Variants in BCO1 observed in about 807,000 individuals in gnomAD.
BCO1 encodes beta,beta-carotene 15,15'-dioxygenase.
In BCO1, 54 loss-of-function variants were observed where a neutral mutation model predicts 56.3. The ratio of observed to expected loss-of-function variants is 0.96; its 90% CI spans 0.77 to 1.20. The LOEUF is 1.20. BCO1 is among the 50% of genes most tolerant of loss of function. The pLI is 0.00. For missense variants in BCO1, 801 were observed against 690.9 expected (o/e 1.16, Z -1.79); for synonymous variants, 318 against 266.1 (o/e 1.20, Z -1.90).
At chr16:81,258,404 T>C (rs1906278773) in intron 2 of BCO1, among the ~76,000 whole-genome samples, 1 of 152,194 alleles carries the variant, frequency 6.6e-6, no homozygotes, top group South Asian at 2.1e-4. Context: ...CCTCTATTGC[T>C]ATGCAGGATT....
At chr16:81,290,253 T>C in intron 10 of BCO1, 95 bp from the exon 11 acceptor site, 1 of 1,042,176 alleles carries the variant, frequency 9.6e-7, no homozygotes, top group Non-Finnish European at 1.5e-6. Flanking sequence ...GTTAGATACA[T>C]ATGTTTAAAG....
At position 81,262,001 on chromosome 16, in the gene BCO1, C is replaced by G. The variant is rs574852906; in HGVS notation, c.324-135C>G. ...TCGTGATCCACCTGCCTCGGCCTCC[C>G]ACAGTGCTGGGATTACAGGCACCCG... On this transcript the variant is annotated intron_variant, in intron 3 of 10. Coordinates refer to ENST00000258168, the MANE Select transcript of BCO1 (RefSeq NM_017429.3). 3 of 1,070,982 alleles carry G rather than the reference C, an allele frequency of 2.8e-6. No homozygotes were observed. In the East Asian group the frequency reaches 7.2e-5, roughly 26 times the overall value. 66.3% of individuals were successfully genotyped at this position (1,070,982 alleles called of 1,614,324 possible). A position where few individuals can be genotyped will look rare whatever the true frequency, so the allele number is the denominator to read the frequency against.
At position 81,238,794 on chromosome 16, in the gene BCO1, G is replaced by A; in HGVS notation, c.-115G>A. 2 of 899,078 alleles carry A rather than the reference G, an allele frequency of 2.2e-6. No homozygotes were observed. The highest frequency in any genetic ancestry group is 3.7e-6 in the Non-Finnish European group (2 of 537,668). The allele number at this position is 899,078 out of a possible 1,614,324, so 55.7% of individuals were successfully genotyped here. A position where few individuals can be genotyped will look rare whatever the true frequency, so the allele number is the denominator to read the frequency against. On this transcript the variant is annotated 5_prime_UTR_variant, in exon 1 of 11. Transcript: ENST00000258168. ...CATCAGGAGAGACAGAGATGTGAAG[G>A]AGGGAAGGAGCAGGAGAGCAGGAAG...
intron 7 of BCO1, among the ~76,000 whole-genome samples, chr16:81,272,658 A>G (rs1907308067): frequency 6.6e-6 from 1 of 152,212 alleles, no homozygotes; most frequent in South Asian, 2.1e-4. Flanking sequence ...GAGACTTACA[A>G]AGGCTTCTGG....
chr16:81,256,637 C>T (rs1906152498), intron 2 of BCO1, among the ~76,000 whole-genome samples: 1 of 152,134 alleles, frequency 6.6e-6, no homozygotes, highest in South Asian at 2.1e-4. Flanking sequence ...CCTGTAATCC[C>T]AGCACTTTGG....
intron 2 of BCO1, among the ~76,000 whole-genome samples, chr16:81,254,359 C>A (rs141376878): frequency 0.014 from 1,968 of 140,838 alleles, 23 homozygotes; most frequent in Middle Eastern, 0.036. Context: ...CCATGTTGAC[C>A]AGGCTGGTCT....
In BCO1 at chr16:81,239,119, C is replaced by T. The variant is rs553113373; in HGVS notation, c.64+147C>T. 32 of 674,336 alleles carry T rather than the reference C, an allele frequency of 4.7e-5. No homozygotes were observed. In the East Asian group the frequency reaches 7.2e-4, roughly 15 times the overall value. The allele number at this position is 674,336 out of a possible 1,614,324, so 41.8% of individuals were successfully genotyped here. On this transcript the variant is annotated intron_variant, in intron 1 of 10. Coordinates refer to ENST00000258168, the MANE Select transcript of BCO1 (RefSeq NM_017429.3). Reference sequence around the variant, plus strand: ...GCAACCTCTGCCTCCTGGGTTCAAACGATCCTCCCACCACAGCCTCCCGAG... The same window carrying T: ...GCAACCTCTGCCTCCTGGGTTCAAATGATCCTCCCACCACAGCCTCCCGAG...
chr16:81,258,388 T>C (rs1262381522), intron 2 of BCO1, among the ~76,000 whole-genome samples: 3 of 152,196 alleles, frequency 2.0e-5, no homozygotes, highest in Non-Finnish European at 4.4e-5. Flanking sequence ...TGAACACAGG[T>C]CTGACCCTCT....
chr16:81,254,593 T>C (rs2151932442), intron 2 of BCO1, among the ~76,000 whole-genome samples: 1 of 152,182 alleles, frequency 6.6e-6, no homozygotes, highest in South Asian at 2.1e-4. Flanking sequence ...GTTACTATTA[T>C]TGTCATTATG....
At chr16:81,279,149 T>C (rs957272257) in intron 7 of BCO1, among the ~76,000 whole-genome samples, 2 of 152,046 alleles carry the variant, frequency 1.3e-5, no homozygotes, top group Non-Finnish European at 2.9e-5. Context: ...TGGTGACGCA[T>C]GCCCGTAGTC....
In BCO1 at chr16:81,245,474, G is replaced by A; in HGVS notation, c.65-1G>A. ...AAACTAAACATTCTCTCTTTTCTCA[G>A]GCAAGATTCCAGCATGGCTGCAGGG... On this transcript the variant is annotated splice_acceptor_variant, in intron 1 of 10. Coordinates refer to ENST00000258168, the MANE Select transcript of BCO1 (RefSeq NM_017429.3). LOFTEE classifies it high-confidence loss of function. The A allele has an allele frequency of 6.2e-7, 1 of 1,614,156 alleles. No homozygotes were observed. Among genetic ancestry groups the A allele is most frequent in the Non-Finnish European group, 8.5e-7 (1 of 1,180,042 alleles).
At chr16:81,267,870 C>G in intron 5 of BCO1, 38 bp from the exon 6 acceptor site, 2 of 1,589,140 alleles carry the variant, frequency 1.3e-6, no homozygotes, top group Non-Finnish European at 1.7e-6. Context: ...GCAGCCAGAT[C>G]CTGCACAATT....
intron 6 of BCO1, among the ~76,000 whole-genome samples, chr16:81,268,875 C>A (rs1181862529): frequency 6.6e-6 from 1 of 151,822 alleles, no homozygotes; most frequent in African/African-American, 2.4e-5. Flanking sequence ...ACCTCCCAGG[C>A]TCAAGTGATC....
chr16:81,245,144 G>C (rs1345893090), intron 1 of BCO1, among the ~76,000 whole-genome samples: 2 of 152,098 alleles, frequency 1.3e-5, no homozygotes, highest in African/African-American at 4.8e-5. Flanking sequence ...CACCCACCTA[G>C]GCTTCCCAAA....
chr16:81,249,890 G>A (rs1905681363), intron 2 of BCO1, among the ~76,000 whole-genome samples: 1 of 152,170 alleles, frequency 6.6e-6, no homozygotes, highest in South Asian at 2.1e-4. Context: ...AGAGTGCGGG[G>A]AGCCTGCCTG....
At chr16:81,241,061 C>G (rs1905083782) in intron 1 of BCO1, among the ~76,000 whole-genome samples, 2 of 152,116 alleles carry the variant, frequency 1.3e-5, no homozygotes, top group Non-Finnish European at 1.5e-5. Context: ...CGCAAACTCC[C>G]AACCTCAGTT....
chr16:81,278,294 G>T (rs757731281), intron 7 of BCO1, among the ~76,000 whole-genome samples: 2 of 151,958 alleles, frequency 1.3e-5, no homozygotes, highest in Non-Finnish European at 2.9e-5. Context: ...CACCCACCTC[G>T]GCCTCCCAAA....
At chr16:81,249,921 C>G (rs757432778) in intron 2 of BCO1, among the ~76,000 whole-genome samples, 16 of 152,176 alleles carry the variant, frequency 1.1e-4, no homozygotes, top group Non-Finnish European at 1.9e-4. Context: ...TCTTCATCAT[C>G]TAGCATGGGG....
intron 2 of BCO1, among the ~76,000 whole-genome samples, chr16:81,246,258 T>C (rs1189287073): frequency 2.6e-5 from 4 of 152,112 alleles, no homozygotes; most frequent in Admixed American, 2.0e-4. Context: ...TGTGATTACA[T>C]TGAATCCACT....
Sources: allele counts gnomAD v4.1 joint callset (sites outside exome capture counted in the v4.1 genomes callset), GRCh38; gene constraint gnomAD v4.1.1; transcripts MANE v1.5; gene names NCBI Gene and HGNC (gene_info 2026-07-23, HGNC 2026-07-21).